Variants in CAPN13 observed in about 807,000 individuals in gnomAD.
CAPN13 encodes the protein calpain 13.
In CAPN13, 90 loss-of-function variants were observed where a neutral mutation model predicts 98.4. The observed-to-expected ratio is 0.92, with a 90% CI of 0.77 to 1.09. The LOEUF (loss-of-function observed/expected upper bound fraction) is 1.09. Ranked by LOEUF, CAPN13 falls within the 50% of genes least tolerant of loss-of-function variation. The pLI, the probability that CAPN13 is intolerant of heterozygous loss-of-function variation, is 0.00. For missense variants in CAPN13, 887 were observed against 841.3 expected, an observed-to-expected ratio of 1.05 and a Z score of -0.67; for synonymous variants, 330 against 305.5, an observed-to-expected ratio of 1.08 and a Z score of -0.84.
At chr2:30,767,847 G>A (rs1342454246) in intron 5 of CAPN13, among the ~76,000 whole-genome samples, 2 of 152,206 alleles carry the variant, frequency 1.3e-5, no homozygotes, top group East Asian at 3.8e-4. Flanking sequence ...CTAGGGCCCA[G>A]GACTGCACTC....
chr2:30,738,336 G>A (rs1409547904), intron 16 of CAPN13, 43 bp from the exon 17 acceptor site: 2 of 1,613,204 alleles, frequency 1.2e-6, no homozygotes, highest in Non-Finnish European at 1.7e-6. Flanking sequence ...TTGACAGTGG[G>A]GTGTGGGGTG....
At chr2:30,769,506 T>C (rs1053912518) in intron 5 of CAPN13, among the ~76,000 whole-genome samples, 3 of 152,148 alleles carry the variant, frequency 2.0e-5, no homozygotes, top group African/African-American at 7.2e-5. Context: ...CAGTGCCCTC[T>C]TCCTCACACA....
intron 2 of CAPN13, among the ~76,000 whole-genome samples, chr2:30,783,455 G>C (rs554127008): frequency 3.2e-4 from 49 of 152,260 alleles, no homozygotes; most frequent in African/African-American, 1.1e-3. Flanking sequence ...TTCAGAAAAA[G>C]TTTCAGCAGC....
In CAPN13 at chr2:30,734,435, A is replaced by T; in HGVS notation, c.1798+14T>A. 2 of 1,610,476 alleles carry T rather than the reference A, an allele frequency of 1.2e-6. No individual in the cohort carries two copies. Among genetic ancestry groups the T allele is most frequent in the Non-Finnish European group, 1.7e-6 (2 of 1,176,904 alleles). Reference sequence around the variant, plus strand: ...CGGACCTTGGGCACCACAGCTCCAAAGTCCCCATTGTACCTGTATTCTCTA... The same window carrying T: ...CGGACCTTGGGCACCACAGCTCCAATGTCCCCATTGTACCTGTATTCTCTA... On this transcript the variant is annotated intron_variant, in intron 19 of 22. Coordinates refer to ENST00000295055, the MANE Select transcript of CAPN13 (RefSeq NM_144575.3).
In CAPN13 at chr2:30,764,436, C is replaced by T. The variant is rs1673010628; in HGVS notation, c.525-130G>A. 3.2e-6 allele frequency: 3 copies of T among 925,014 alleles called. No homozygotes were observed. In the South Asian group the frequency reaches 5.0e-5, roughly 15 times the overall value. The allele number at this position is 925,014 out of a possible 1,614,324, so 57.3% of individuals were successfully genotyped here. On this transcript the variant is annotated intron_variant, in intron 5 of 22. Transcript: ENST00000295055. ...CTGGTCCACTCCTGATCATGGCCAC[C>T]CACCTCCCCTTTGCCTGGATGGAGA...
intron 8 of CAPN13, among the ~76,000 whole-genome samples, chr2:30,755,895 G>A (rs1050940832): frequency 3.3e-5 from 5 of 152,078 alleles, no homozygotes; most frequent in East Asian, 1.9e-4. Flanking sequence ...AAGTGTGTGC[G>A]ACTGAAATTT....
intron 21 of CAPN13, among the ~76,000 whole-genome samples, chr2:30,731,048 A>G (rs1671057520): frequency 6.6e-6 from 1 of 152,208 alleles, no homozygotes; most frequent in Non-Finnish European, 1.5e-5. Flanking sequence ...CAATGGGAAT[A>G]AGTTTAATGT....
intron 2 of CAPN13, among the ~76,000 whole-genome samples, chr2:30,783,326 C>G (rs1000561415): frequency 6.6e-6 from 1 of 152,078 alleles, no homozygotes; most frequent in Non-Finnish European, 1.5e-5. Context: ...GATGAGGAGT[C>G]GGGTCCTCTC....
chr2:30,777,158 C>G (rs1673741247), intron 3 of CAPN13, among the ~76,000 whole-genome samples: 1 of 152,326 alleles, frequency 6.6e-6, no homozygotes, highest in Admixed American at 6.5e-5. Context: ...GTTTCCCTGT[C>G]CATGCCCTCC....
chr2:30,774,556 A>T (rs1673589179), intron 4 of CAPN13, among the ~76,000 whole-genome samples: 1 of 152,188 alleles, frequency 6.6e-6, no homozygotes, highest in South Asian at 2.1e-4. Context: ...ATATTTGAAA[A>T]TACCGAAGAA....
intron 18 of CAPN13, among the ~76,000 whole-genome samples, chr2:30,735,151 G>A (rs1481005723): frequency 2.0e-5 from 3 of 152,172 alleles, no homozygotes; most frequent in African/African-American, 4.8e-5. Flanking sequence ...TGTATGGGGC[G>A]GCTCTTGCAC....
At chr2:30,749,536 A>G (rs749951612) in intron 11 of CAPN13, among the ~76,000 whole-genome samples, 2 of 152,216 alleles carry the variant, frequency 1.3e-5, no homozygotes, top group African/African-American at 2.4e-5. Context: ...CAGTCAACAG[A>G]AACTGAAATC....
At chr2:30,766,940 T>C (rs1346719510) in intron 5 of CAPN13, among the ~76,000 whole-genome samples, 3 of 152,242 alleles carry the variant, frequency 2.0e-5, no homozygotes, top group African/African-American at 7.2e-5. Flanking sequence ...GCCTGCACCC[T>C]TGGAGGGAAG....
intron 9 of CAPN13, 41 bp from the exon 10 acceptor site, chr2:30,753,239 G>T: frequency 6.2e-7 from 1 of 1,608,536 alleles, no homozygotes; most frequent in Non-Finnish European, 8.5e-7. Flanking sequence ...ACCAGGGGTT[G>T]TGTCCCCAGG....
intron 2 of CAPN13, among the ~76,000 whole-genome samples, chr2:30,783,432 G>T (rs1674095107): frequency 6.6e-6 from 1 of 152,062 alleles, no homozygotes; most frequent in African/African-American, 2.4e-5. Context: ...ATGTGAACGG[G>T]GCTTCCTTCT....
At chr2:30,744,774 C>G (rs1032504986) in intron 12 of CAPN13, among the ~76,000 whole-genome samples, 11 of 152,168 alleles carry the variant, frequency 7.2e-5, no homozygotes, top group African/African-American at 2.7e-4. Flanking sequence ...CCAGCATCAA[C>G]AAACCACACA....
chr2:30,751,274 T>C lies in CAPN13; in HGVS notation c.1088-23A>G, dbSNP rs377660626. 3 of 1,611,946 alleles carry C rather than the reference T, an allele frequency of 1.9e-6. No homozygotes were observed. The African/African-American group carries it at 4.0e-5, about 22-fold the overall frequency. On this transcript the variant is annotated intron_variant, in intron 10 of 22. Transcript: ENST00000295055. Reference sequence around the variant, plus strand: ...CTCCTGCATCAGAAAGAGCTGTTACTAGAGCTCAGCTCCACTCCTGGGACT... The same window carrying C: ...CTCCTGCATCAGAAAGAGCTGTTACCAGAGCTCAGCTCCACTCCTGGGACT...
chr2:30,742,245 G>A, intron 14 of CAPN13, 81 bp downstream of exon 14: 1 of 1,451,616 alleles, frequency 6.9e-7, no homozygotes, highest in Non-Finnish European at 9.5e-7. Context: ...GGCAGCGGGA[G>A]GTGTAAAGAA....
chr2:30,745,674 C>T (rs1671871249), intron 12 of CAPN13, 49 bp downstream of exon 12: 1 of 1,592,004 alleles, frequency 6.3e-7, no homozygotes, highest in Non-Finnish European at 8.5e-7. Context: ...TAACACTCCA[C>T]CAGCAGACAG....
Sources: gnomAD v4.1 joint callset for allele counts (sites outside exome capture counted in the v4.1 genomes callset) on GRCh38, gnomAD v4.1.1 for gene constraint, MANE v1.5 for transcripts, NCBI Gene and HGNC (gene_info 2026-07-23, HGNC 2026-07-21) for gene names.